RASEF: variants seen among roughly 807,000 people sequenced by gnomAD.
RASEF encodes the protein RAS and EF-hand domain containing.
A neutral mutation model predicts 90.1 loss-of-function variants in RASEF; 68 were observed. The ratio of observed to expected loss-of-function variants is 0.75; its 90% CI spans 0.62 to 0.92. The LOEUF is 0.92. RASEF is among the 40% of genes least tolerant of loss of function. RASEF has a pLI of 0.00. For synonymous variants in RASEF, 331 were observed against 345.2 expected (o/e 0.96, Z 0.46); for missense variants, 949 against 937.2 (o/e 1.01, Z -0.16).
the RASEF span, among the ~76,000 whole-genome samples, chr9:83,173,112 C>T: frequency 6.6e-6 from 1 of 151,982 alleles, no homozygotes; most frequent in African/African-American, 2.4e-5. Context: ...AGTCTGCTGC[C>T]AGGTATATCA....
chr9:83,063,019 G>C lies in RASEF; in HGVS notation c.-152C>G. The stretch of plus-strand genomic sequence containing the variant: ...CACTTGAGGGAACGTCGGGCGGGGC[G>C]AGGAACGTCGGGGGTGGCCGAGCGG... On this transcript the variant is annotated 5_prime_UTR_variant, in exon 1 of 17. Transcript: ENST00000376447. 1.2e-6 allele frequency: 1 copy of C among 812,624 alleles called. No homozygotes were observed. The highest frequency in any genetic ancestry group is 1.8e-6 in the Non-Finnish European group (1 of 568,938). The allele number at this position is 812,624 out of a possible 1,614,324, so 50.3% of individuals were successfully genotyped here.
chr9:83,171,816 G>A, the RASEF span, among the ~76,000 whole-genome samples: 1 of 151,440 alleles, frequency 6.6e-6, no homozygotes, highest in Non-Finnish European at 1.5e-5. Flanking sequence ...TTTTTTCTTT[G>A]TTAGTCTAGT....
At chr9:83,141,091 C>T in the RASEF span, among the ~76,000 whole-genome samples, 13 of 145,092 alleles carry the variant, frequency 9.0e-5, no homozygotes, top group Admixed American at 5.7e-4. Flanking sequence ...TGCAGTGAGC[C>T]GATATCACAC....
At chr9:83,181,949 T>C in the RASEF span, among the ~76,000 whole-genome samples, 1 of 152,190 alleles carries the variant, frequency 6.6e-6, no homozygotes, top group African/African-American at 2.4e-5. Context: ...ATTGATCCAC[T>C]TTTGGAAACA....
At chr9:83,018,040 G>C (rs984503380) in intron 3 of RASEF, among the ~76,000 whole-genome samples, 7 of 152,276 alleles carry the variant, frequency 4.6e-5, no homozygotes, top group African/African-American at 1.7e-4. Flanking sequence ...ACTAGGAACA[G>C]AAGGGACTCT....
At chr9:83,201,529 A>C in the RASEF span, among the ~76,000 whole-genome samples, 4 of 152,204 alleles carry the variant, frequency 2.6e-5, no homozygotes, top group Non-Finnish European at 5.9e-5. Context: ...AAAAAATATA[A>C]TTGTAAGAAA....
At chr9:83,058,222 G>A (rs1227375969) in intron 1 of RASEF, among the ~76,000 whole-genome samples, 5 of 110,946 alleles carry the variant, frequency 4.5e-5, no homozygotes, top group South Asian at 5.9e-4. Context: ...TCGCTCTGTC[G>A]CCCAGGCTGG....
chr9:83,144,409 AAAG>A, the RASEF span, among the ~76,000 whole-genome samples: 1 of 149,046 alleles, frequency 6.7e-6, no homozygotes, highest in African/African-American at 2.5e-5. Flanking sequence ...AGAAAGAAAG[AAAG>A]AAAGAAAAGA....
At chr9:83,093,716 T>G in the RASEF span, among the ~76,000 whole-genome samples, 84,214 of 152,068 alleles carry the variant, frequency 0.55, 23,786 homozygotes, top group East Asian at 0.78. Flanking sequence ...AGCTGAGGGA[T>G]CTGGCTCTGG....
At chr9:83,012,932 TA>T (rs1193909665) in intron 4 of RASEF, among the ~76,000 whole-genome samples, 1 of 152,236 alleles carries the variant, frequency 6.6e-6, no homozygotes, top group Non-Finnish European at 1.5e-5. Flanking sequence ...CAAGATTTTT[TA>T]AGAGCAGAAT....
chr9:83,037,488 T>C (rs1049699164), intron 1 of RASEF, among the ~76,000 whole-genome samples: 1 of 152,180 alleles, frequency 6.6e-6, no homozygotes, highest in Non-Finnish European at 1.5e-5. Flanking sequence ...TAGTAAAAAT[T>C]ATATTTTTAC....
At chr9:83,194,122 T>A in the RASEF span, among the ~76,000 whole-genome samples, 3 of 152,232 alleles carry the variant, frequency 2.0e-5, no homozygotes, top group Non-Finnish European at 4.4e-5. Context: ...GAAACCAGCA[T>A]TGGCAAATTA....
the RASEF span, among the ~76,000 whole-genome samples, chr9:83,086,454 T>A: frequency 2.9e-4 from 44 of 152,208 alleles, no homozygotes; most frequent in African/African-American, 1.0e-3. Context: ...TTAGTAGTTA[T>A]CTGATGCATA....
the RASEF span, among the ~76,000 whole-genome samples, chr9:83,169,110 G>A: frequency 6.6e-6 from 1 of 151,862 alleles, no homozygotes; most frequent in South Asian, 2.1e-4. Flanking sequence ...ATGTGAGTGA[G>A]AACAAGCAAT....
At chr9:83,132,833 A>C in the RASEF span, among the ~76,000 whole-genome samples, 1 of 152,202 alleles carries the variant, frequency 6.6e-6, no homozygotes, top group Non-Finnish European at 1.5e-5. Context: ...TGAGCTAAAG[A>C]TAATGAAGAT....
chr9:83,045,182 T>C (rs1564087585), intron 1 of RASEF, among the ~76,000 whole-genome samples: 1 of 152,220 alleles, frequency 6.6e-6, no homozygotes, highest in East Asian at 1.9e-4. Flanking sequence ...TCTGTGTGTA[T>C]GTACATGTAT....
chr9:83,215,204 T>C, the RASEF span, among the ~76,000 whole-genome samples: 1 of 152,058 alleles, frequency 6.6e-6, no homozygotes, highest in Non-Finnish European at 1.5e-5. Flanking sequence ...TCCATCCTGA[T>C]GAGAGCCACC....
intron 6 of RASEF, among the ~76,000 whole-genome samples, chr9:83,008,472 G>A (rs1829172949): frequency 6.6e-6 from 1 of 151,908 alleles, no homozygotes; most frequent in South Asian, 2.1e-4. Flanking sequence ...TTTGGTTACT[G>A]CCTTACCTGG....
At chr9:83,020,049 T>A (rs1471204965) in intron 3 of RASEF, among the ~76,000 whole-genome samples, 1 of 152,178 alleles carries the variant, frequency 6.6e-6, no homozygotes, top group African/African-American at 2.4e-5. Flanking sequence ...AAACTTCACA[T>A]ATACTGTACT....
Sources: allele counts gnomAD v4.1 joint callset (sites outside exome capture counted in the v4.1 genomes callset), GRCh38; gene constraint gnomAD v4.1.1; transcripts MANE v1.5; gene names NCBI Gene and HGNC (gene_info 2026-07-23, HGNC 2026-07-21).